SHANK2: variants seen among roughly 807,000 people sequenced by gnomAD.
SHANK2 encodes the protein SH3 and multiple ankyrin repeat domains 2, also known as SH3 and multiple ankyrin repeat domains protein 2.
In SHANK2, 43 loss-of-function variants were observed where a neutral mutation model predicts 133.7. The ratio of observed to expected loss-of-function variants is 0.32; its 90% CI spans 0.25 to 0.41. The LOEUF (loss-of-function observed/expected upper bound fraction) is 0.41. Among genes scored for constraint, SHANK2 ranks in the 10% least tolerant of loss-of-function variants. SHANK2 has a pLI of 1.00. For synonymous variants in SHANK2, 1,017 were observed against 952.8 expected (o/e 1.07, Z -1.24); for missense variants, 1,994 against 2,235.8 (o/e 0.89, Z 2.18).
rs186303823 is a variant in SHANK2 at position 70,567,581 on chromosome 11, C to T, written c.2062-64650G>A. Among the ~76,000 whole-genome samples, 416 of 151,624 alleles carry T rather than the reference C, an allele frequency of 2.7e-3. 4 individuals carry two copies. The highest frequency in any genetic ancestry group is 9.6e-3 in the African/African-American group (396 of 41,312). On this transcript the variant is annotated intron_variant, in intron 17 of 25. Coordinates refer to ENST00000601538, the MANE Select transcript of SHANK2 (RefSeq NM_012309.5). The stretch of plus-strand genomic sequence containing the variant: ...AGTGGAGGTTGCAGTGAGCCAAGGT[C>T]GCACTACTGCACTCCAGCCTGGGTG...
intron 3 of SHANK2, among the ~76,000 whole-genome samples, chr11:71,141,542 GCTC>G (rs1952554296): frequency 6.6e-6 from 1 of 152,068 alleles, no homozygotes; most frequent in Admixed American, 6.6e-5. Flanking sequence ...ATGTGACTTT[GCTC>G]CTCCTCCAAC....
intron 6 of SHANK2, among the ~76,000 whole-genome samples, chr11:71,102,976 G>A (rs1951740466): frequency 6.6e-6 from 1 of 152,196 alleles, no homozygotes. Flanking sequence ...GGTTCACATA[G>A]GGCACCTTCT....
intron 2 of SHANK2, among the ~76,000 whole-genome samples, chr11:71,154,221 T>C (rs1555108635): frequency 6.6e-6 from 1 of 152,156 alleles, no homozygotes; most frequent in Non-Finnish European, 1.5e-5. Flanking sequence ...TTACAGACAT[T>C]TAAACTCGGG....
At chr11:70,668,141 AC>A (rs1565228123) in intron 15 of SHANK2, 4 of 152,056 alleles carry the variant, frequency 2.6e-5, no homozygotes, top group Non-Finnish European at 5.9e-5. Context: ...TGGTGACTCA[AC>A]CCACCCAAAA....
At chr11:70,570,213 G>A (rs1240317884) in intron 17 of SHANK2, among the ~76,000 whole-genome samples, 1 of 152,220 alleles carries the variant, frequency 6.6e-6, no homozygotes, top group Admixed American at 6.5e-5. Context: ...ACGCCGACCC[G>A]CAGGAGTCCT....
At chr11:70,762,885 G>A (rs1555040536) in intron 14 of SHANK2, among the ~76,000 whole-genome samples, 2 of 152,244 alleles carry the variant, frequency 1.3e-5, no homozygotes, top group African/African-American at 4.8e-5. Context: ...GAGAAGCTCA[G>A]AATGGAGGCG....
intron 3 of SHANK2, among the ~76,000 whole-genome samples, chr11:71,120,030 T>C (rs1452746682): frequency 6.6e-6 from 1 of 152,166 alleles, no homozygotes; most frequent in African/African-American, 2.4e-5. Flanking sequence ...GGAAAGCAAT[T>C]ACGGAAAAAC....
intron 2 of SHANK2, among the ~76,000 whole-genome samples, chr11:71,163,379 A>G (rs542969873): frequency 6.6e-6 from 1 of 152,244 alleles, no homozygotes; most frequent in South Asian, 2.1e-4. Context: ...TGATAAATCA[A>G]ATCTATTCAT....
intron 17 of SHANK2, among the ~76,000 whole-genome samples, chr11:70,555,749 G>T (rs2059821067): frequency 6.6e-6 from 1 of 152,234 alleles, no homozygotes; most frequent in East Asian, 1.9e-4. Flanking sequence ...CAACAAAAAA[G>T]CGCTACTCCA....
intron 11 of SHANK2, among the ~76,000 whole-genome samples, chr11:70,850,589 G>A (rs1949070591): frequency 6.6e-6 from 1 of 152,184 alleles, no homozygotes; most frequent in Admixed American, 6.5e-5. Context: ...CACCATGCAC[G>A]CCCGAGCTGA....
chr11:70,572,945 G>A (rs1554983395), intron 17 of SHANK2, among the ~76,000 whole-genome samples: 1 of 152,166 alleles, frequency 6.6e-6, no homozygotes, highest in Non-Finnish European at 1.5e-5. Flanking sequence ...CTAGTGCATG[G>A]ACATTCACAG....
chr11:71,206,336 C>T (rs969887202), intron 2 of SHANK2, among the ~76,000 whole-genome samples: 3 of 152,176 alleles, frequency 2.0e-5, no homozygotes, highest in African/African-American at 7.2e-5. Context: ...TTAGAGGTTA[C>T]ATCGTGACTG....
At chr11:70,602,671 T>G (rs1172967988) in intron 17 of SHANK2, among the ~76,000 whole-genome samples, 2 of 152,244 alleles carry the variant, frequency 1.3e-5, no homozygotes. Flanking sequence ...CACTGAATAG[T>G]TGGACATTTT....
chr11:70,698,367 A>T lies in SHANK2; in HGVS notation c.1853+321T>A, dbSNP rs141970398. 65 of 422,454 alleles carry T rather than the reference A, an allele frequency of 1.5e-4. No homozygotes were observed. In the East Asian group the frequency reaches 2.9e-3, roughly 19 times the overall value. The allele number at this position is 422,454 out of a possible 1,614,324, so 26.2% of individuals were successfully genotyped here. A position where few individuals can be genotyped will look rare whatever the true frequency, so the allele number is the denominator to read the frequency against. ...TCCCCCGGGGGATGCTGCTGCCCCA[A>T]TACTGCCTCAAGGCTCCTGTGGCCC... On this transcript the variant is annotated intron_variant, in intron 15 of 25. Transcript: ENST00000601538.
chr11:70,891,382 G>C (rs1407298158), intron 11 of SHANK2, among the ~76,000 whole-genome samples: 1 of 151,616 alleles, frequency 6.6e-6, no homozygotes, highest in African/African-American at 2.4e-5. Flanking sequence ...GGCGCCCGTA[G>C]TCCCAGCTAC....
chr11:71,107,895 G>A (rs193291520), intron 6 of SHANK2, among the ~76,000 whole-genome samples: 309 of 152,348 alleles, frequency 2.0e-3, no homozygotes, highest in Non-Finnish European at 3.6e-3. Context: ...GAGGTGCAGA[G>A]CAGCTCAGAG....
At chr11:71,249,057 G>A (rs530613055) in intron 1 of SHANK2, among the ~76,000 whole-genome samples, 20 of 152,288 alleles carry the variant, frequency 1.3e-4, no homozygotes, top group Admixed American at 9.8e-4. Context: ...ATGAGAGAAT[G>A]ACAGGCCTCT....
chr11:70,954,351 C>A (rs1950886771), intron 10 of SHANK2, among the ~76,000 whole-genome samples: 1 of 152,252 alleles, frequency 6.6e-6, no homozygotes, highest in Non-Finnish European at 1.5e-5. Flanking sequence ...TGTCCCTCAA[C>A]CACACAGTTG....
chr11:70,468,872 T>TA lies in SHANK2; in HGVS notation c.*3996dup, dbSNP rs1555147742. ...AAAGAAGAAGTTCAACGTTTAGGTT[T>TA]AAAATATGCTTCCCTAAAGCGGAGG... On this transcript the variant is annotated 3_prime_UTR_variant, in exon 26 of 26. Coordinates refer to ENST00000601538, the MANE Select transcript of SHANK2 (RefSeq NM_012309.5). The TA allele has an allele frequency of 6.6e-6, 1 of 152,262 alleles. No individual in the cohort carries two copies. The highest frequency in any genetic ancestry group is 1.5e-5 in the Non-Finnish European group (1 of 68,044). 9.4% of individuals were successfully genotyped at this position (152,262 alleles called of 1,614,324 possible).
Sources: allele counts gnomAD v4.1 joint callset (sites outside exome capture counted in the v4.1 genomes callset), GRCh38; gene constraint gnomAD v4.1.1; transcripts MANE v1.5; gene names NCBI Gene and HGNC (gene_info 2026-07-23, HGNC 2026-07-21).